Variants in KCNIP4 observed in about 807,000 individuals in gnomAD.
The protein encoded by KCNIP4 is potassium voltage-gated channel interacting protein 4.
KCNIP4 carries 12 observed loss-of-function variants against 34.0 expected under a neutral mutation model. The observed-to-expected ratio is 0.35, with a 90% confidence interval of 0.23 to 0.57. KCNIP4 has a LOEUF of 0.57. Among genes scored for constraint, KCNIP4 ranks in the 20% least tolerant of loss-of-function variants. The pLI is 0.83. For synonymous variants in KCNIP4, 124 were observed against 102.2 expected, an observed-to-expected ratio of 1.21 and a Z score of -1.29; for missense variants, 238 against 311.7, an observed-to-expected ratio of 0.76 and a Z score of 1.78.
intron 1 of KCNIP4, among the ~76,000 whole-genome samples, chr4:21,492,772 T>C (rs1732518646): frequency 6.6e-6 from 1 of 152,004 alleles, no homozygotes; most frequent in African/African-American, 2.4e-5. Flanking sequence ...TAGGAAAGAG[T>C]CTCATTTTAG....
chr4:21,917,240 T>A (rs1387946460), intron 1 of KCNIP4, among the ~76,000 whole-genome samples: 1 of 152,092 alleles, frequency 6.6e-6, no homozygotes, highest in South Asian at 2.1e-4. Context: ...GTTCACACGA[T>A]TCTCCTGCCT....
intron 1 of KCNIP4, among the ~76,000 whole-genome samples, chr4:21,284,630 A>G (rs764812720): frequency 1.3e-5 from 2 of 152,174 alleles, no homozygotes; most frequent in Non-Finnish European, 2.9e-5. Context: ...AGTCTGATCC[A>G]TGGAGATCTC....
At chr4:21,154,753 C>A (rs529948301) in intron 1 of KCNIP4, among the ~76,000 whole-genome samples, 7 of 152,272 alleles carry the variant, frequency 4.6e-5, no homozygotes, top group African/African-American at 1.4e-4. Flanking sequence ...TTTACCAAAG[C>A]TCTTTAAATG....
chr4:21,259,057 T>A (rs1285024677), intron 1 of KCNIP4, among the ~76,000 whole-genome samples: 1 of 152,208 alleles, frequency 6.6e-6, no homozygotes, highest in Non-Finnish European at 1.5e-5. Context: ...ATGGTCAAGC[T>A]ATAGCTCAGA....
rs180932911 is a variant in KCNIP4 at position 21,014,482 on chromosome 4, G to T, written c.62-131773C>A. Among the ~76,000 whole-genome samples the T allele has an allele frequency of 1.9e-3, 289 of 152,240 alleles. 6 individuals are homozygous for T. In the South Asian group the frequency reaches 0.053, roughly 28 times the overall value. On this transcript the variant is annotated intron_variant, in intron 1 of 8. Transcript: ENST00000382152. ...TCACAGGAAAGCAATAATAATAACT[G>T]ATTAATATTTCTGCATCACTTAAAG...
At chr4:21,066,755 G>C (rs950285099) in intron 1 of KCNIP4, among the ~76,000 whole-genome samples, 1 of 152,176 alleles carries the variant, frequency 6.6e-6, no homozygotes, top group Non-Finnish European at 1.5e-5. Context: ...GTTTCAGCAA[G>C]CCCTGCCACC....
intron 1 of KCNIP4, chr4:21,762,857 A>G: frequency 9.5e-7 from 1 of 1,052,236 alleles, no homozygotes; most frequent in African/African-American, 1.6e-5. Context: ...GTGAGAAAGG[A>G]AAGGAGAATC....
In KCNIP4 at chr4:21,834,237, T is replaced by A. The variant is rs554494443; in HGVS notation, c.61+114334A>T. On this transcript the variant is annotated intron_variant, in intron 1 of 8. Transcript: ENST00000382152. ...TCCCACCCATGAGCATGGAATGTTC[T>A]TCCATTTGTTTGTATCCTCTTTTAT... Among the ~76,000 whole-genome samples, 146 of 152,362 alleles carry A rather than the reference T, an allele frequency of 9.6e-4. 1 individual carries two copies. The East Asian group carries it at 0.026, about 27-fold the overall frequency.
At chr4:21,434,166 T>A (rs1229359753) in intron 1 of KCNIP4, among the ~76,000 whole-genome samples, 9 of 152,172 alleles carry the variant, frequency 5.9e-5, no homozygotes, top group Admixed American at 5.9e-4. Context: ...AACCTCAGCA[T>A]GACGTTTTCA....
intron 1 of KCNIP4, among the ~76,000 whole-genome samples, chr4:21,175,124 T>G (rs895934782): frequency 1.7e-5 from 2 of 117,762 alleles, no homozygotes; most frequent in Admixed American, 1.6e-4. Flanking sequence ...TTCTTTTTTC[T>G]TAGATAATTT....
intron 1 of KCNIP4, among the ~76,000 whole-genome samples, chr4:21,102,566 C>T (rs12642991): frequency 0.14 from 20,983 of 152,082 alleles, 1,508 homozygotes; most frequent in South Asian, 0.19. Context: ...TTCAGCATAG[C>T]TGAAGTCATG....
At chr4:21,061,750 G>A (rs1743941463) in intron 1 of KCNIP4, among the ~76,000 whole-genome samples, 1 of 152,090 alleles carries the variant, frequency 6.6e-6, no homozygotes, top group Non-Finnish European at 1.5e-5. Flanking sequence ...TTCTTATGTT[G>A]AAGCCTTAGT....
intron 2 of KCNIP4, among the ~76,000 whole-genome samples, chr4:20,879,398 T>C (rs1047025559): frequency 6.6e-6 from 1 of 152,200 alleles, no homozygotes; most frequent in Non-Finnish European, 1.5e-5. Context: ...CCATGTGTGT[T>C]GCTTCCTGGT....
chr4:21,673,668 T>G (rs924391337), intron 1 of KCNIP4, among the ~76,000 whole-genome samples: 1 of 152,170 alleles, frequency 6.6e-6, no homozygotes, highest in African/African-American at 2.4e-5. Context: ...TCTGTAAAGA[T>G]GCAATTATAA....
intron 2 of KCNIP4, 178 bp from the exon 3 acceptor site, chr4:20,850,845 AAC>A: frequency 1.8e-6 from 1 of 542,030 alleles, no homozygotes; most frequent in Non-Finnish European, 3.0e-6. Context: ...ATTAAGCTAA[AAC>A]ACTTGTATAT....
intron 1 of KCNIP4, among the ~76,000 whole-genome samples, chr4:21,734,863 A>G (rs187030045): frequency 6.6e-6 from 1 of 152,190 alleles, no homozygotes; most frequent in Admixed American, 6.6e-5. Context: ...ACAGCTGAGT[A>G]TTTGCAGTAG....
intron 1 of KCNIP4, among the ~76,000 whole-genome samples, chr4:21,633,914 C>G (rs10035025): frequency 0.35 from 52,549 of 151,698 alleles, 9,629 homozygotes; most frequent in Non-Finnish European, 0.41. Context: ...TTTAATATTT[C>G]GGTTATTAGA....
At chr4:21,937,183 T>G (rs751848782) in intron 1 of KCNIP4, among the ~76,000 whole-genome samples, 11 of 152,108 alleles carry the variant, frequency 7.2e-5, no homozygotes, top group Non-Finnish European at 1.5e-4. Flanking sequence ...TCCATCTGCC[T>G]TTGGGACAGT....
chr4:21,296,408 C>CTT (rs201961246), intron 1 of KCNIP4, among the ~76,000 whole-genome samples: 13 of 144,956 alleles, frequency 9.0e-5, no homozygotes, highest in African/African-American at 3.0e-4. Flanking sequence ...CTCTCTCTCT[C>CTT]TTTTTTTTTT....
Sources: gnomAD v4.1 joint callset for allele counts (sites outside exome capture counted in the v4.1 genomes callset) on GRCh38, gnomAD v4.1.1 for gene constraint, MANE v1.5 for transcripts, NCBI Gene and HGNC (gene_info 2026-07-23, HGNC 2026-07-21) for gene names.